The following MACROH2A2 variants were observed in gnomAD, a reference collection of about 807,000 sequenced individuals.
MACROH2A2 encodes the protein macroH2A.2 histone.
Under a neutral mutation model 37.6 loss-of-function variants are expected in MACROH2A2, and 6 were observed. The observed-to-expected ratio is 0.16, with a 90% CI of 0.09 to 0.32. The LOEUF (loss-of-function observed/expected upper bound fraction) is 0.32. Among genes scored for constraint, MACROH2A2 ranks in the 10% least tolerant of loss-of-function variants. The pLI, the probability that MACROH2A2 is intolerant of heterozygous loss-of-function variation, is 1.00. For missense variants in MACROH2A2, 290 were observed against 485.9 expected (o/e 0.60, Z 3.79); for synonymous variants, 192 against 202.7 (o/e 0.95, Z 0.45).
intron 6 of MACROH2A2, chr10:70,099,644 A>C (rs1293745963): frequency 6.6e-6 from 1 of 151,766 alleles, no homozygotes; most frequent in Non-Finnish European, 1.5e-5. Flanking sequence ...GAGCTGAGGT[A>C]GGAAAAAAAA....
At chr10:70,091,989 C>T in intron 4 of MACROH2A2, 35 bp downstream of exon 4, 1 of 1,526,806 alleles carries the variant, frequency 6.5e-7, no homozygotes, top group African/African-American at 1.4e-5. Context: ...GCCAGGCACT[C>T]CCACTGCAAT....
intron 2 of MACROH2A2, among the ~76,000 whole-genome samples, chr10:70,086,293 G>GA (rs56120002): frequency 1.4e-3 from 193 of 133,530 alleles, no homozygotes; most frequent in Admixed American, 2.5e-3. Flanking sequence ...TCTCTCTAAG[G>GA]AAAAAAAAAA....
In MACROH2A2 at chr10:70,111,712, G is replaced by A; in HGVS notation, c.*29G>A. 1.9e-6 allele frequency: 3 copies of A among 1,553,262 alleles called. No homozygotes were observed. The highest frequency in any genetic ancestry group is 2.6e-6 in the Non-Finnish European group (3 of 1,145,576). ...CCGCACTTTCCAGCAGGGATCGGAG[G>A]ACGACCCGAGTCCCAAGAGTGGGGT... On this transcript the variant is annotated 3_prime_UTR_variant, in exon 9 of 9. Coordinates refer to ENST00000373255, the MANE Select transcript of MACROH2A2 (RefSeq NM_018649.3).
At chr10:70,106,259 A>C (rs748660269) in intron 7 of MACROH2A2, among the ~76,000 whole-genome samples, 5 of 152,210 alleles carry the variant, frequency 3.3e-5, no homozygotes, top group Non-Finnish European at 5.9e-5. Context: ...AGGTAAGAGA[A>C]TGCCCCTAGT....
Position 70,075,777 on chromosome 10 carries a change from G to A in MACROH2A2, c.119G>A (p.Arg40Gln), listed in dbSNP as rs1156897308. The A allele has an allele frequency of 6.2e-7, 1 of 1,614,004 alleles. No homozygotes were observed. The highest frequency in any genetic ancestry group is 8.5e-7 in the Non-Finnish European group (1 of 1,180,004). The change falls in exon 2 of 9, where the codon CGG (arginine) becomes CAG (glutamine). Residue 40 changes from arginine to glutamine, a missense_variant. Arg to Gln is a conservative substitution (Grantham distance 43). This residue lies in a region of MACROH2A2 where 83 missense variants were observed against 159.9 expected (regional missense o/e 0.52). Transcript: ENST00000373255. The surrounding 1 kb of genome is among the most constrained non-coding windows in gnomAD (Gnocchi z 5.0). ...RYLKKGTFKY[R>Q]ISVGAPVYMA... ...CTGAAGAAAGGGACGTTCAAGTACC[G>A]GATCAGCGTGGGCGCCCCTGTCTAC...
At chr10:70,074,078 C>G (rs936254712) in intron 1 of MACROH2A2, among the ~76,000 whole-genome samples, 7 of 152,136 alleles carry the variant, frequency 4.6e-5, no homozygotes, top group African/African-American at 1.7e-4. Flanking sequence ...TTGTAATTTG[C>G]TTTTACTTAC....
intron 8 of MACROH2A2, among the ~76,000 whole-genome samples, chr10:70,109,676 C>A (rs1290433025): frequency 1.3e-5 from 2 of 152,210 alleles, no homozygotes; most frequent in African/African-American, 4.8e-5. Context: ...CCATCTCCGA[C>A]CTCTGGCTCC....
intron 1 of MACROH2A2, among the ~76,000 whole-genome samples, chr10:70,072,065 AT>A (rs1467266165): frequency 3.9e-5 from 6 of 151,966 alleles, no homozygotes; most frequent in Admixed American, 6.6e-5. Flanking sequence ...GCTTACTGTA[AT>A]TTTTTTTACT....
intron 1 of MACROH2A2, among the ~76,000 whole-genome samples, chr10:70,070,962 A>AGTGTGTGT (rs9299504): frequency 6.7e-6 from 1 of 150,036 alleles, no homozygotes; most frequent in Non-Finnish European, 1.5e-5. Context: ...TTTTGAGGAA[A>AGTGTGTGT]GTGTGTGTGT....
rs796184534 is a variant in MACROH2A2 at position 70,093,607 on chromosome 10, G to C, written c.478-128G>C. The C allele has an allele frequency of 6.2e-5, 38 of 611,940 alleles. No individual in the cohort carries two copies. In the African/African-American group the frequency reaches 6.3e-4, roughly 10 times the overall value. The allele number at this position is 611,940 out of a possible 1,614,324, so 37.9% of individuals were successfully genotyped here. ...TTTTGCTCCCCTCCTTCAAGAAACA[G>C]CAGAACACATCACCTAACCACTTCC... On this transcript the variant is annotated intron_variant, in intron 4 of 8. Transcript: ENST00000373255.
Position 70,093,852 on chromosome 10 carries a change from AAG to A in MACROH2A2, c.588+11_588+12del. The A allele has an allele frequency of 6.9e-7, 1 of 1,443,958 alleles. No homozygotes were observed. Among genetic ancestry groups the A allele is most frequent in the Non-Finnish European group, 9.8e-7 (1 of 1,025,102 alleles). The allele number at this position is 1,443,958 out of a possible 1,614,324, so 89.4% of individuals were successfully genotyped here. A position where few individuals can be genotyped will look rare whatever the true frequency, so the allele number is the denominator to read the frequency against. ...CCTTGTTCTGGGACAGAAGGTAACAAAGAGAATTGCCTTGTGCTATATTAAAA... is the reference window on the plus strand; with the variant it reads ...CCTTGTTCTGGGACAGAAGGTAACAAAGAATTGCCTTGTGCTATATTAAAA... On this transcript the variant is annotated splice_region_variant and intron_variant, in intron 5 of 8. Coordinates refer to ENST00000373255, the MANE Select transcript of MACROH2A2 (RefSeq NM_018649.3).
At chr10:70,086,270 T>C (rs2072210524) in intron 2 of MACROH2A2, among the ~76,000 whole-genome samples, 2 of 148,852 alleles carry the variant, frequency 1.3e-5, no homozygotes, top group South Asian at 2.2e-4. Flanking sequence ...TTTTCTGTGA[T>C]GTATTATCTT....
chr10:70,093,768 T>C lies in MACROH2A2; in HGVS notation c.511T>C (p.Ser171Pro), dbSNP rs952256954. The C allele has an allele frequency of 5.0e-6, 8 of 1,611,682 alleles. No homozygotes were observed. Among genetic ancestry groups the C allele is most frequent in the Non-Finnish European group, 6.8e-6 (8 of 1,177,844 alleles). The change falls in exon 5 of 9, where the codon TCA becomes CCA. Residue 171 changes from serine (S) to proline (P), a missense_variant. Ser to Pro is a moderately conservative substitution (Grantham distance 74). This residue lies in a region of MACROH2A2 where 77 missense variants were observed against 68.9 expected (regional missense o/e 1.12). Coordinates refer to ENST00000373255, the MANE Select transcript of MACROH2A2 (RefSeq NM_018649.3). ...KPKDSDKEGT[S>P]NSTSEDGPGD... ...AAAGGACAGCGATAAAGAAGGAACT[T>C]CAAATTCCACCTCTGAAGATGGGCC...
intron 2 of MACROH2A2, among the ~76,000 whole-genome samples, chr10:70,081,439 G>T (rs1293474635): frequency 6.6e-6 from 1 of 152,106 alleles, no homozygotes; most frequent in South Asian, 2.1e-4. Flanking sequence ...AGTGACACCA[G>T]TGTGCCCAGT....
chr10:70,106,439 T>C (rs563023213), intron 7 of MACROH2A2, among the ~76,000 whole-genome samples: 2 of 152,338 alleles, frequency 1.3e-5, no homozygotes, highest in South Asian at 4.1e-4. Flanking sequence ...AATGTCATCG[T>C]GCACTACCCT....
intron 1 of MACROH2A2, among the ~76,000 whole-genome samples, chr10:70,072,055 G>T (rs945304895): frequency 1.3e-4 from 19 of 151,896 alleles, no homozygotes; most frequent in Admixed American, 7.2e-4. Flanking sequence ...ATTAACCTTA[G>T]CTTACTGTAA....
intron 7 of MACROH2A2, among the ~76,000 whole-genome samples, chr10:70,102,071 G>C (rs996714977): frequency 1.3e-5 from 2 of 152,166 alleles, no homozygotes; most frequent in African/African-American, 4.8e-5. Context: ...CCCTCAGTCA[G>C]TGCCAAGTGC....
At chr10:70,073,561 A>G (rs548381500) in intron 1 of MACROH2A2, among the ~76,000 whole-genome samples, 3 of 152,364 alleles carry the variant, frequency 2.0e-5, no homozygotes, top group Non-Finnish European at 4.4e-5. Flanking sequence ...ATAGGGGAGT[A>G]GTAAGTACAT....
At chr10:70,062,238 C>G (rs2072054588) in intron 1 of MACROH2A2, among the ~76,000 whole-genome samples, 2 of 152,056 alleles carry the variant, frequency 1.3e-5, no homozygotes, top group South Asian at 4.1e-4. Context: ...TATTTCATCT[C>G]AATGTATTCT....
Sources: allele counts gnomAD v4.1 joint callset (sites outside exome capture counted in the v4.1 genomes callset), GRCh38; gene constraint gnomAD v4.1.1; regional missense constraint gnomAD v4.1.1; non-coding constraint Gnocchi (gnomAD v3.1); transcripts MANE v1.5; gene names NCBI Gene and HGNC (gene_info 2026-07-23, HGNC 2026-07-21).